Variants in EFCAB11 observed in about 807,000 individuals in gnomAD.
EFCAB11 encodes EF-hand calcium-binding domain-containing protein 11.
A neutral mutation model predicts 23.0 loss-of-function variants in EFCAB11; 14 were observed. The observed-to-expected ratio is 0.61, with a 90% CI of 0.40 to 0.95. The LOEUF (loss-of-function observed/expected upper bound fraction) is 0.95. EFCAB11 is among the 40% of genes least tolerant of loss of function. The pLI is 0.00. For synonymous variants in EFCAB11, 65 were observed against 66.6 expected (o/e 0.98, Z 0.11); for missense variants, 198 against 195.8 (o/e 1.01, Z -0.07).
intron 5 of EFCAB11, among the ~76,000 whole-genome samples, chr14:89,899,511 A>T (rs1889278445): frequency 6.6e-6 from 1 of 152,198 alleles, no homozygotes; most frequent in Non-Finnish European, 1.5e-5. Context: ...TAGTCCTGTT[A>T]TATATCAAAA....
chr14:89,840,123 G>A (rs947342993), intron 5 of EFCAB11, among the ~76,000 whole-genome samples: 6 of 152,100 alleles, frequency 3.9e-5, no homozygotes, highest in East Asian at 1.9e-4. Flanking sequence ...TGTAGTCTAC[G>A]CTTACACATA....
At chr14:89,816,577 TAA>T (rs1886344641) in intron 5 of EFCAB11, among the ~76,000 whole-genome samples, 1 of 152,206 alleles carries the variant, frequency 6.6e-6, no homozygotes, top group Admixed American at 6.5e-5. Context: ...TCCTAATCTT[TAA>T]CTTCTGAAAA....
intron 3 of EFCAB11, among the ~76,000 whole-genome samples, chr14:89,933,419 A>ACT (rs147597914): frequency 0.21 from 32,445 of 152,096 alleles, 4,336 homozygotes; most frequent in African/African-American, 0.36. Context: ...AAAAATTATC[A>ACT]CTGTTTTAAA....
chr14:89,873,108 G>T (rs1888333209), intron 5 of EFCAB11, among the ~76,000 whole-genome samples: 1 of 152,168 alleles, frequency 6.6e-6, no homozygotes, highest in African/African-American at 2.4e-5. Flanking sequence ...ACTTTATAAA[G>T]GAGGTTTAAT....
chr14:89,880,747 G>A (rs1888573736), intron 5 of EFCAB11, among the ~76,000 whole-genome samples: 1 of 152,144 alleles, frequency 6.6e-6, no homozygotes, highest in South Asian at 2.1e-4. Context: ...CGGACTTTGG[G>A]GTTAGTCTGC....
intron 5 of EFCAB11, among the ~76,000 whole-genome samples, chr14:89,875,003 G>A (rs1433024379): frequency 1.3e-5 from 2 of 152,132 alleles, no homozygotes; most frequent in East Asian, 3.9e-4. Flanking sequence ...AGATCTTTGG[G>A]ATGGGGGCAG....
intron 5 of EFCAB11, among the ~76,000 whole-genome samples, chr14:89,805,953 C>T (rs1326954902): frequency 6.6e-6 from 1 of 152,198 alleles, no homozygotes. Flanking sequence ...CGGATGCTAG[C>T]TCAAGATTCT....
chr14:89,797,010 A>T lies in EFCAB11; in HGVS notation c.*233T>A. ...TGCAAGTCTATCATCAGCATCCAAA[A>T]ATTATGATTAAAAATTTAGTCAATT... is the stretch of plus-strand genomic sequence containing the variant. On this transcript the variant is annotated 3_prime_UTR_variant, in exon 6 of 6. Transcript: ENST00000316738. 2 of 249,834 alleles carry T rather than the reference A, an allele frequency of 8.0e-6. 1 individual carries two copies. The highest frequency in any genetic ancestry group is 1.5e-4 in the East Asian group (2 of 13,696). The allele number at this position is 249,834 out of a possible 1,614,324, so 15.5% of individuals were successfully genotyped here. A position where few individuals can be genotyped will look rare whatever the true frequency, so the allele number is the denominator to read the frequency against.
chr14:89,826,620 G>A lies in EFCAB11; in HGVS notation c.411-29296C>T, dbSNP rs191812668. ...AGAAAATATGACTTATAGTAGGATG[G>A]TAGAGGTGGAGATAAAAAGAAGTGA... On this transcript the variant is annotated intron_variant, in intron 5 of 5. Transcript: ENST00000316738. 2.0e-5 allele frequency among the ~76,000 whole-genome samples: 3 copies of A among 152,266 alleles called. No homozygotes were observed. In the East Asian group the frequency reaches 5.8e-4, roughly 29 times the overall value.
At chr14:89,811,285 G>A (rs776151662) in intron 5 of EFCAB11, among the ~76,000 whole-genome samples, 13 of 152,134 alleles carry the variant, frequency 8.5e-5, no homozygotes, top group Non-Finnish European at 1.3e-4. Context: ...GGTCCTGGAA[G>A]TCTATGTAAG....
intron 5 of EFCAB11, among the ~76,000 whole-genome samples, chr14:89,856,244 A>G (rs1192384347): frequency 6.8e-6 from 1 of 146,552 alleles, no homozygotes; most frequent in African/African-American, 2.5e-5. Flanking sequence ...GCTGGAGTGC[A>G]GTGGTGCAAT....
intron 5 of EFCAB11, 99 bp downstream of exon 5, chr14:89,931,442 C>A (rs1031641778): frequency 1.7e-6 from 2 of 1,146,950 alleles, no homozygotes; most frequent in Admixed American, 2.2e-5. Flanking sequence ...GTTCCAGACT[C>A]AAAAATCAGA....
At chr14:89,924,584 T>C (rs1890129328) in intron 5 of EFCAB11, 6 of 1,529,906 alleles carry the variant, frequency 3.9e-6, no homozygotes, top group South Asian at 1.2e-5. Flanking sequence ...CAGCCAGAAA[T>C]ACCACAGGGT....
At chr14:89,816,953 T>C (rs1021738279) in intron 5 of EFCAB11, among the ~76,000 whole-genome samples, 5 of 152,084 alleles carry the variant, frequency 3.3e-5, no homozygotes, top group African/African-American at 1.2e-4. Context: ...AAGGAAAAAA[T>C]ATATCTGTAT....
At position 89,940,046 on chromosome 14, in the gene EFCAB11, T is replaced by C. The variant is rs111800436; in HGVS notation, c.218-7419A>G. On this transcript the variant is annotated intron_variant, in intron 3 of 5. Transcript: ENST00000316738. ...GCCACCGTGCCCAGCCCACATAAAA[T>C]ATATATTTTTAAATGTCTTTAGGTC... Among the ~76,000 whole-genome samples the C allele has an allele frequency of 1.9e-3, 288 of 152,302 alleles. 1 individual carries two copies. The highest frequency in any genetic ancestry group is 0.01 in the Middle Eastern group (3 of 294).
At chr14:89,862,684 G>T (rs1311594436) in intron 5 of EFCAB11, among the ~76,000 whole-genome samples, 3 of 152,212 alleles carry the variant, frequency 2.0e-5, no homozygotes, top group South Asian at 4.1e-4. Flanking sequence ...GAATTATGCA[G>T]AAGAGGAACA....
rs191810891 is a variant in EFCAB11, at chr14:89,930,868, C to G, written c.410+673G>C. The stretch of plus-strand genomic sequence containing the variant: ...CTGTTAACAGGGTTGATGAAGAGCT[C>G]ATGCTGGGAGTCAGAGAAGAGACAG... On this transcript the variant is annotated intron_variant, in intron 5 of 5. Transcript: ENST00000316738. 3.9e-5 allele frequency among the ~76,000 whole-genome samples: 6 copies of G among 152,284 alleles called. No individual in the cohort carries two copies. The East Asian group carries it at 1.2e-3, about 29-fold the overall frequency.
At chr14:89,913,599 C>T (rs1023236317) in intron 5 of EFCAB11, among the ~76,000 whole-genome samples, 2 of 152,092 alleles carry the variant, frequency 1.3e-5, no homozygotes, top group East Asian at 1.9e-4. Flanking sequence ...TTGTGCTATT[C>T]CTAAAAAATA....
At chr14:89,923,787 T>C in intron 5 of EFCAB11, 1 of 985,396 alleles carries the variant, frequency 1.0e-6, no homozygotes, top group Non-Finnish European at 1.2e-6. Context: ...TGACTGGAAA[T>C]TTTCTCTTGT....
Sources: allele counts gnomAD v4.1 joint callset (sites outside exome capture counted in the v4.1 genomes callset), GRCh38; gene constraint gnomAD v4.1.1; transcripts MANE v1.5; gene names NCBI Gene and HGNC (gene_info 2026-07-23, HGNC 2026-07-21).